Variants in NRXN1 observed in about 807,000 individuals in gnomAD.
NRXN1 encodes the protein neurexin-1.
NRXN1 carries 39 observed loss-of-function variants against 150.9 expected under a neutral mutation model. The ratio of observed to expected loss-of-function variants is 0.26; its 90% CI spans 0.20 to 0.34. NRXN1 has a LOEUF of 0.34. NRXN1 is among the 10% of genes least tolerant of loss of function. The pLI, the probability that NRXN1 is intolerant of heterozygous loss-of-function variation, is 1.00. For missense variants in NRXN1, 1,815 were observed against 1,949.9 expected (o/e 0.93, Z 1.30); for synonymous variants, 924 against 757.0 (o/e 1.22, Z -3.62).
intron 17 of NRXN1, among the ~76,000 whole-genome samples, chr2:50,460,184 C>T (rs972234021): frequency 1.3e-5 from 2 of 152,028 alleles, no homozygotes; most frequent in African/African-American, 4.8e-5. Context: ...TCCATATTTA[C>T]CTATAAGATC....
chr2:50,240,362 G>A (rs1439808825), intron 17 of NRXN1, among the ~76,000 whole-genome samples: 1 of 151,628 alleles, frequency 6.6e-6, no homozygotes, highest in Admixed American at 6.6e-5. Context: ...TATAATAAGC[G>A]AGACAATTAG....
intron 5 of NRXN1, among the ~76,000 whole-genome samples, chr2:50,746,517 T>C (rs1700043082): frequency 6.6e-6 from 1 of 151,882 alleles, no homozygotes; most frequent in Non-Finnish European, 1.5e-5. Context: ...ATGATTATGA[T>C]ACTACACTGC....
At chr2:50,257,691 T>C (rs1034112520) in intron 17 of NRXN1, among the ~76,000 whole-genome samples, 1 of 151,976 alleles carries the variant, frequency 6.6e-6, no homozygotes, top group Non-Finnish European at 1.5e-5. Context: ...GGAAGTTGGA[T>C]AATAAAGAAA....
chr2:50,071,136 T>A (rs770049179), intron 19 of NRXN1, among the ~76,000 whole-genome samples: 3 of 152,230 alleles, frequency 2.0e-5, no homozygotes, highest in Non-Finnish European at 2.9e-5. Flanking sequence ...TTAGGCTGTG[T>A]CATATACAAG....
intron 5 of NRXN1, among the ~76,000 whole-genome samples, chr2:50,772,224 G>A (rs1574423112): frequency 6.6e-6 from 1 of 151,736 alleles, no homozygotes; most frequent in Admixed American, 6.6e-5. Context: ...CCTAAAATGG[G>A]AGGATATCTG....
intron 22 of NRXN1, among the ~76,000 whole-genome samples, chr2:49,923,356 T>C (rs1668550724): frequency 1.3e-5 from 2 of 152,336 alleles, no homozygotes; most frequent in African/African-American, 4.8e-5. Context: ...CCTGAATCTC[T>C]ATCCTCTCGC....
At chr2:50,571,260 A>G (rs887615002) in intron 8 of NRXN1, among the ~76,000 whole-genome samples, 1 of 152,208 alleles carries the variant, frequency 6.6e-6, no homozygotes, top group African/African-American at 2.4e-5. Flanking sequence ...GCTTCAGAAA[A>G]GTAAAATATA....
At chr2:51,019,506 ATAACT>A (rs773423327) in intron 2 of NRXN1, among the ~76,000 whole-genome samples, 5 of 152,106 alleles carry the variant, frequency 3.3e-5, no homozygotes, top group Admixed American at 3.3e-4. Context: ...ATTTTCTGAA[ATAACT>A]TAATGTATAA....
At chr2:50,454,543 C>T (rs764212934) in intron 17 of NRXN1, among the ~76,000 whole-genome samples, 24 of 151,766 alleles carry the variant, frequency 1.6e-4, no homozygotes, top group African/African-American at 2.7e-4. Context: ...TTCCTAGTTA[C>T]GGAATAAAGA....
At chr2:50,988,947 T>C (rs1260609189) in intron 2 of NRXN1, among the ~76,000 whole-genome samples, 2 of 152,060 alleles carry the variant, frequency 1.3e-5, no homozygotes, top group Admixed American at 1.3e-4. Flanking sequence ...TGACAACTTC[T>C]CTCCTTGTCT....
At chr2:50,293,472 C>A (rs1352811755) in intron 17 of NRXN1, among the ~76,000 whole-genome samples, 1 of 152,064 alleles carries the variant, frequency 6.6e-6, no homozygotes, top group Non-Finnish European at 1.5e-5. Flanking sequence ...AGGGAAGAAG[C>A]GGGGGAGACA....
intron 17 of NRXN1, among the ~76,000 whole-genome samples, chr2:50,422,687 G>A (rs749564873): frequency 6.6e-6 from 1 of 152,142 alleles, no homozygotes; most frequent in Non-Finnish European, 1.5e-5. Flanking sequence ...TCTAAGTGCA[G>A]ATGAAGATTT....
rs181604116 is a variant in NRXN1 at position 50,478,002 on chromosome 2, G to A, written c.3071-5531C>T. Among the ~76,000 whole-genome samples, 14 of 152,144 alleles carry A rather than the reference G, an allele frequency of 9.2e-5. No individual in the cohort carries two copies. The East Asian group carries it at 2.3e-3, about 25-fold the overall frequency. ...CATTCTATGGGAAGGGTGCCTTTCG[G>A]GGAACAATCAACCTCTGTCCCCAAA... is the stretch of plus-strand genomic sequence containing the variant. On this transcript the variant is annotated intron_variant, in intron 15 of 22. Coordinates refer to ENST00000401669, the MANE Select transcript of NRXN1 (RefSeq NM_001330078.2).
At chr2:50,265,998 ATTTATT>A (rs1361024093) in intron 17 of NRXN1, among the ~76,000 whole-genome samples, 63 of 109,938 alleles carry the variant, frequency 5.7e-4, no homozygotes, top group South Asian at 1.2e-3. Flanking sequence ...TATTATTATT[ATTTATT>A]TTTTTTTTTT....
chr2:50,964,492 C>A (rs1190911306), intron 2 of NRXN1, among the ~76,000 whole-genome samples: 1 of 151,404 alleles, frequency 6.6e-6, no homozygotes, highest in South Asian at 2.1e-4. Context: ...TAAACATTGC[C>A]TTTCCCTCAA....
intron 18 of NRXN1, among the ~76,000 whole-genome samples, chr2:50,136,326 C>A (rs1471790799): frequency 6.6e-6 from 1 of 152,066 alleles, no homozygotes; most frequent in African/African-American, 2.4e-5. Context: ...AACCAAGGAA[C>A]AAGTTCATTT....
intron 5 of NRXN1, among the ~76,000 whole-genome samples, chr2:50,672,960 T>C (rs1041028150): frequency 3.3e-5 from 5 of 152,058 alleles, no homozygotes; most frequent in African/African-American, 1.2e-4. Context: ...TATTCAACCA[T>C]CATTTTGTTC....
At chr2:49,960,778 G>A (rs998992015) in intron 21 of NRXN1, among the ~76,000 whole-genome samples, 3 of 152,132 alleles carry the variant, frequency 2.0e-5, no homozygotes, top group African/African-American at 7.2e-5. Flanking sequence ...TACTACCCCA[G>A]TGGTTCTTAA....
At chr2:50,176,556 A>G (rs575842557) in intron 18 of NRXN1, among the ~76,000 whole-genome samples, 4 of 152,132 alleles carry the variant, frequency 2.6e-5, no homozygotes, top group South Asian at 2.1e-4. Flanking sequence ...TGGGAGCAAC[A>G]TAATTCCTGA....
Sources: allele counts gnomAD v4.1 joint callset (sites outside exome capture counted in the v4.1 genomes callset), GRCh38; gene constraint gnomAD v4.1.1; transcripts MANE v1.5; gene names NCBI Gene and HGNC (gene_info 2026-07-23, HGNC 2026-07-21).